The following AP2B1 variants were observed in gnomAD, a reference collection of about 807,000 sequenced individuals.
The protein encoded by AP2B1 is AP-2 complex subunit beta.
A neutral mutation model predicts 102.0 loss-of-function variants in AP2B1; 23 were observed. That is an observed-to-expected ratio of 0.23 (90% CI 0.16 to 0.32). The LOEUF is 0.32. Ranked by LOEUF, AP2B1 falls within the 10% of genes least tolerant of loss-of-function variation. AP2B1 has a pLI of 1.00. For missense variants in AP2B1, 541 were observed against 1,157.4 expected (o/e 0.47, Z 7.73); for synonymous variants, 381 against 421.2 (o/e 0.90, Z 1.17).
Position 35,706,943 on chromosome 17 carries a change from C to T in AP2B1, c.2455-2281C>T, listed in dbSNP as rs1471481824. ...CTGGGCTTACAGGCATGAGCCACCA[C>T]ACCCGGCCCCAGTTTTCACTTCTAA... is the stretch of plus-strand genomic sequence containing the variant. On this transcript the variant is annotated intron_variant, in intron 18 of 21. Coordinates refer to ENST00000610402, the MANE Select transcript of AP2B1 (RefSeq NM_001030006.2). Among the ~76,000 whole-genome samples, 4 of 152,172 alleles carry T rather than the reference C, an allele frequency of 2.6e-5. No individual in the cohort carries two copies. In the East Asian group the frequency reaches 7.8e-4, roughly 30 times the overall value.
In AP2B1 at chr17:35,659,463, G is replaced by A. The variant is rs531049939; in HGVS notation, c.1989+1672G>A. On this transcript the variant is annotated intron_variant, in intron 14 of 21. Transcript: ENST00000610402. ...CTCATGCCAACTCCAAAACCAATGG[G>A]TTTTGTCATCATATTTTACATAGCT... is the stretch of plus-strand genomic sequence containing the variant. Among the ~76,000 whole-genome samples the A allele has an allele frequency of 3.9e-5, 6 of 152,270 alleles. No homozygotes were observed. In the South Asian group the frequency reaches 6.2e-4, roughly 16 times the overall value.
In AP2B1 at chr17:35,638,105, G is replaced by A. The variant is rs562596644; in HGVS notation, c.1272-1490G>A. 1.5e-4 allele frequency among the ~76,000 whole-genome samples: 23 copies of A among 152,280 alleles called. 1 individual carries two copies. Among genetic ancestry groups the A allele is most frequent in the Admixed American group, 7.8e-4 (12 of 15,300 alleles). ...TCCTCTTGCCTCAGCCTCTCCAGTA[G>A]CTAGGACTACAGGCCTGTGCCACTG... On this transcript the variant is annotated intron_variant, in intron 10 of 21. Coordinates refer to ENST00000610402, the MANE Select transcript of AP2B1 (RefSeq NM_001030006.2).
chr17:35,657,224 AAATGCTGAT>A (rs2075251559), intron 13 of AP2B1, among the ~76,000 whole-genome samples: 2 of 152,190 alleles, frequency 1.3e-5, no homozygotes, highest in African/African-American at 4.8e-5. Flanking sequence ...TTCATTTTGT[AAATGCTGAT>A]TTTTTTGTTG....
intron 20 of AP2B1, among the ~76,000 whole-genome samples, chr17:35,712,546 T>C (rs1555588071): frequency 6.6e-6 from 1 of 151,992 alleles, no homozygotes; most frequent in Non-Finnish European, 1.5e-5. Context: ...GAGAATCAGC[T>C]TGGATCCAGG....
At chr17:35,687,615 A>T (rs2075962976) in intron 18 of AP2B1, among the ~76,000 whole-genome samples, 1 of 152,072 alleles carries the variant, frequency 6.6e-6, no homozygotes, top group Admixed American at 6.6e-5. Flanking sequence ...TAGTATAATC[A>T]TGGCTCATTG....
rs145453761 is a variant in AP2B1, at chr17:35,714,195, C to T, written c.2627-3000C>T. Among the ~76,000 whole-genome samples, 1,427 of 152,276 alleles carry T rather than the reference C, an allele frequency of 9.4e-3. 13 individuals carry two copies. Among genetic ancestry groups the T allele is most frequent in the Non-Finnish European group, 0.016 (1,102 of 68,014 alleles). On this transcript the variant is annotated intron_variant, in intron 20 of 21. Transcript: ENST00000610402. ...CATGGGGGCTAGGTAAGGGTGAATT[C>T]TGTTTCATTGTTTTGTTGCGGCTCT...
chr17:35,593,331 A>G (rs1346946592), intron 1 of AP2B1, among the ~76,000 whole-genome samples: 1 of 152,208 alleles, frequency 6.6e-6, no homozygotes, highest in Non-Finnish European at 1.5e-5. Flanking sequence ...GAAAGGATAA[A>G]TGCTTGAGGT....
chr17:35,662,297 G>T (rs974185978), intron 14 of AP2B1, among the ~76,000 whole-genome samples: 1 of 151,460 alleles, frequency 6.6e-6, no homozygotes, highest in Admixed American at 6.7e-5. Flanking sequence ...TCGCATTTCA[G>T]CATATTCTCT....
intron 5 of AP2B1, among the ~76,000 whole-genome samples, chr17:35,622,318 G>A (rs973998406): frequency 3.9e-5 from 6 of 152,112 alleles, no homozygotes; most frequent in Non-Finnish European, 5.9e-5. Context: ...TGAGATGATT[G>A]CATTTGTGGC....
In AP2B1 at chr17:35,674,262, C is replaced by G. The variant is rs1275022140; in HGVS notation, c.2265C>G (p.Asn755Lys). The G allele has an allele frequency of 1.2e-6, 2 of 1,614,150 alleles. No individual in the cohort carries two copies. The highest frequency in any genetic ancestry group is 1.7e-6 in the Non-Finnish European group (2 of 1,180,034). The change falls in exon 17 of 22, where the codon AAC (asparagine) becomes AAG (lysine). Residue 755 changes from asparagine to lysine, a missense_variant. Coordinates refer to ENST00000610402, the MANE Select transcript of AP2B1 (RefSeq NM_001030006.2). Reference sequence around the variant, plus strand: ...AAGGGCACATCTATATGGAAATGAACTTCACCAATAAAGCTCTGCAGCACA... The same window carrying G: ...AAGGGCACATCTATATGGAAATGAAGTTCACCAATAAAGCTCTGCAGCACA... Reference protein sequence around the residue: ...HRQGHIYMEMNFTNKALQHMT... With the variant: ...HRQGHIYMEMKFTNKALQHMT...
At chr17:35,623,461 G>T (rs1170359216) in intron 5 of AP2B1, among the ~76,000 whole-genome samples, 1 of 152,210 alleles carries the variant, frequency 6.6e-6, no homozygotes, top group East Asian at 1.9e-4. Flanking sequence ...CTACTTGGGA[G>T]ACTGAGGTGG....
rs531496008 is a variant in AP2B1 at position 35,637,545 on chromosome 17, G to A, written c.1271+1089G>A. 2.7e-4 allele frequency among the ~76,000 whole-genome samples: 41 copies of A among 152,168 alleles called. No individual in the cohort carries two copies. The South Asian group carries it at 4.6e-3, about 17-fold the overall frequency. On this transcript the variant is annotated intron_variant, in intron 10 of 21. Coordinates refer to ENST00000610402, the MANE Select transcript of AP2B1 (RefSeq NM_001030006.2). ...CTTGTAGTAAGTTAGCTTAGTGGTGGGCTCAAGAATTAGTAGATATATTTT... is the reference window on the plus strand; with the variant it reads ...CTTGTAGTAAGTTAGCTTAGTGGTGAGCTCAAGAATTAGTAGATATATTTT...
chr17:35,658,717 A>G (rs2075291823), intron 14 of AP2B1, among the ~76,000 whole-genome samples: 1 of 152,230 alleles, frequency 6.6e-6, no homozygotes, highest in Non-Finnish European at 1.5e-5. Context: ...GACATCTTAG[A>G]TATGAAAATA....
In AP2B1 at chr17:35,682,756, A is replaced by T; in HGVS notation, c.2386A>T (p.Ile796Phe). The T allele has an allele frequency of 6.2e-7, 1 of 1,613,192 alleles. No homozygotes were observed. Among genetic ancestry groups the T allele is most frequent in the Non-Finnish European group, 8.5e-7 (1 of 1,179,340 alleles). ...IHTPLMPNQSIDVSLPLNTLG... is the reference protein window; with the variant it reads ...IHTPLMPNQSFDVSLPLNTLG... ...TACACCACTGATGCCAAACCAGAGC[A>T]TTGATGTCTCCCTGCCTCTCAATAC... Residue 796 changes from isoleucine (I) to phenylalanine (F), a missense_variant, in exon 18 of 22, where the codon ATT (isoleucine) becomes TTT (phenylalanine). By Grantham distance (21) the Ile-to-Phe change is conservative (BLOSUM62 0). Coordinates refer to ENST00000610402, the MANE Select transcript of AP2B1 (RefSeq NM_001030006.2).
intron 1 of AP2B1, 42 bp from the exon 2 acceptor site, chr17:35,593,960 GTTGGAT>G: frequency 9.8e-7 from 1 of 1,019,850 alleles, no homozygotes; most frequent in Non-Finnish European, 1.4e-6. Context: ...TGGATGCCTT[GTTGGAT>G]ATCTATAACC....
intron 16 of AP2B1, among the ~76,000 whole-genome samples, chr17:35,673,260 G>T (rs1326633215): frequency 6.6e-6 from 1 of 152,052 alleles, no homozygotes; most frequent in Non-Finnish European, 1.5e-5. Context: ...GCCCAGGCTG[G>T]AGTGCAGTGG....
intron 1 of AP2B1, among the ~76,000 whole-genome samples, chr17:35,589,715 T>C (rs1441589651): frequency 1.3e-5 from 2 of 152,192 alleles, no homozygotes; most frequent in East Asian, 3.9e-4. Context: ...GGCCATACCG[T>C]AAATCCTCAG....
At chr17:35,608,629 A>G (rs994090047) in intron 5 of AP2B1, among the ~76,000 whole-genome samples, 1 of 152,184 alleles carries the variant, frequency 6.6e-6, no homozygotes, top group African/African-American at 2.4e-5. Context: ...ATATTTGCCC[A>G]TATTGCCCAT....
At chr17:35,719,015 A>G (rs76605013) in intron 21 of AP2B1, among the ~76,000 whole-genome samples, 2,391 of 152,252 alleles carry the variant, frequency 0.016, 30 homozygotes, top group East Asian at 0.023. Flanking sequence ...GCTTCTTAGT[A>G]TCACTGTCCT....
Sources: gnomAD v4.1 joint callset for allele counts (sites outside exome capture counted in the v4.1 genomes callset) on GRCh38, gnomAD v4.1.1 for gene constraint, MANE v1.5 for transcripts, NCBI Gene and HGNC (gene_info 2026-07-23, HGNC 2026-07-21) for gene names.